Variants in AP4S1 observed in about 807,000 individuals in gnomAD.
The protein encoded by AP4S1 is AP-4 complex subunit sigma-1.
Under a neutral mutation model 19.8 loss-of-function variants are expected in AP4S1, and 23 were observed. The observed-to-expected ratio is 1.16, with a 90% CI of 0.84 to 1.65. The LOEUF (loss-of-function observed/expected upper bound fraction) is 1.65. AP4S1 is among the 40% of genes most tolerant of loss of function. The probability of loss-of-function intolerance (pLI) is 0.00; values close to 1 mark genes in which losing one functional copy is unlikely to be tolerated. For synonymous variants in AP4S1, 46 were observed against 54.1 expected, an observed-to-expected ratio of 0.85 and a Z score of 0.66; for missense variants, 166 against 172.8, an observed-to-expected ratio of 0.96 and a Z score of 0.22.
chr14:31,086,794 G>A (rs184381197), intron 5 of AP4S1, among the ~76,000 whole-genome samples: 3 of 152,138 alleles, frequency 2.0e-5, no homozygotes, highest in Admixed American at 6.6e-5. Context: ...CGTAGGAGCC[G>A]GATACTTTGG....
In AP4S1 at chr14:31,025,790, A is replaced by T. The variant is rs1037267519; in HGVS notation, c.-72+3A>T. 2.8e-6 allele frequency: 4 copies of T among 1,406,102 alleles called. No individual in the cohort carries two copies. In the African/African-American group the frequency reaches 5.7e-5, roughly 20 times the overall value. 87.1% of individuals were successfully genotyped at this position (1,406,102 alleles called of 1,614,324 possible). On this transcript the variant is annotated splice_donor_region_variant and intron_variant, in intron 1 of 5. Transcript: ENST00000542754. ...CCATCACAACCTGAGCAGCACAGGT[A>T]GGTTCCGCTCGGCCTCCCAAGGCGC...
chr14:31,050,811 C>T (rs1885745900), intron 1 of AP4S1, among the ~76,000 whole-genome samples: 1 of 152,180 alleles, frequency 6.6e-6, no homozygotes, highest in Non-Finnish European at 1.5e-5. Flanking sequence ...CCGGGCTCCC[C>T]TCCACGATAC....
At chr14:31,049,353 G>A (rs565434451) in intron 1 of AP4S1, among the ~76,000 whole-genome samples, 208 of 145,584 alleles carry the variant, frequency 1.4e-3, no homozygotes, top group African/African-American at 5.0e-3. Context: ...GGCAGAGCTG[G>A]CAGTGAGCCG....
intron 1 of AP4S1, among the ~76,000 whole-genome samples, chr14:31,050,983 C>T (rs1381149665): frequency 1.3e-5 from 2 of 151,854 alleles, no homozygotes; most frequent in Non-Finnish European, 2.9e-5. Context: ...TGGCTGGGCT[C>T]GGTGGCCCAT....
rs975451171 is a variant in AP4S1, at chr14:31,082,618, C to T, written c.306+2034C>T. ...GAATTAAGACTAGAAGAGCTTTGGC[C>T]GGGCGCGGTGGCTCACGCCTGTAAT... On this transcript the variant is annotated intron_variant, in intron 5 of 5. Coordinates refer to ENST00000542754, the MANE Select transcript of AP4S1 (RefSeq NM_001128126.3). 2.6e-5 allele frequency among the ~76,000 whole-genome samples: 4 copies of T among 152,124 alleles called. 1 individual carries two copies. Among genetic ancestry groups the T allele is most frequent in the East Asian group, 1.9e-4 (1 of 5,180 alleles).
intron 1 of AP4S1, among the ~76,000 whole-genome samples, chr14:31,030,822 T>C (rs541561490): frequency 6.6e-6 from 1 of 152,352 alleles, no homozygotes; most frequent in South Asian, 2.1e-4. Flanking sequence ...TATTTTGTCC[T>C]GATCCGTCTT....
intron 5 of AP4S1, chr14:31,083,758 C>T (rs750432913): frequency 3.0e-6 from 1 of 337,380 alleles, no homozygotes; most frequent in Non-Finnish European, 5.8e-6. Context: ...AAGCCTCCTG[C>T]CTTGGCCTCC....
chr14:31,025,458 G>T, upstream of AP4S1: 1 of 158,076 alleles, frequency 6.3e-6, no homozygotes, highest in South Asian at 1.2e-4. Flanking sequence ...CGGAAAGGGG[G>T]GTGGTCCGGA....
chr14:31,051,987 A>G (rs1281285428), intron 1 of AP4S1, among the ~76,000 whole-genome samples: 1 of 152,140 alleles, frequency 6.6e-6, no homozygotes, highest in Admixed American at 6.5e-5. Context: ...ATTAAAAGAC[A>G]TGGCCGGGTG....
rs563340452 is a variant in AP4S1 at position 31,050,438 on chromosome 14, G to A, written c.-71-15688G>A. Among the ~76,000 whole-genome samples, 6 of 151,966 alleles carry A rather than the reference G, an allele frequency of 3.9e-5. No individual in the cohort carries two copies. The South Asian group carries it at 1.2e-3, about 32-fold the overall frequency. On this transcript the variant is annotated intron_variant, in intron 1 of 5. Coordinates refer to ENST00000542754, the MANE Select transcript of AP4S1 (RefSeq NM_001128126.3). The stretch of plus-strand genomic sequence containing the variant: ...TTAATATGAATACTTATATCTCTCT[G>A]ATCTCTGCTTTAAAAAAAACTAACT...
chr14:31,038,930 G>C (rs1198089136), intron 1 of AP4S1, among the ~76,000 whole-genome samples: 2 of 151,384 alleles, frequency 1.3e-5, no homozygotes, highest in Admixed American at 6.6e-5. Context: ...AGTCTTTCAC[G>C]ACCACCATCA....
chr14:31,032,073 A>G (rs1318309970), intron 1 of AP4S1, among the ~76,000 whole-genome samples: 1 of 62,082 alleles, frequency 1.6e-5, no homozygotes, highest in Non-Finnish European at 2.9e-5. Context: ...CCTTGTCCCA[A>G]AAAAAAAAAA....
chr14:31,040,964 A>G (rs896023442), intron 1 of AP4S1, among the ~76,000 whole-genome samples: 3 of 151,276 alleles, frequency 2.0e-5, no homozygotes, highest in Non-Finnish European at 2.9e-5. Flanking sequence ...AGTCCCAGCT[A>G]CTCGGGAGGC....
At position 31,065,628 on chromosome 14, in the gene AP4S1, A is replaced by G. The variant is rs1023121080; in HGVS notation, c.-71-498A>G. Among the ~76,000 whole-genome samples the G allele has an allele frequency of 3.3e-5, 5 of 152,270 alleles. No individual in the cohort carries two copies. In the East Asian group the frequency reaches 7.7e-4, roughly 23 times the overall value. ...TTTGGAGAATAACTGATGAAAATTT[A>G]TCATTGGTTTTTATTTTTTTATTTT... On this transcript the variant is annotated intron_variant, in intron 1 of 5. Transcript: ENST00000542754.
At chr14:31,029,806 C>A (rs1451055870) in intron 1 of AP4S1, among the ~76,000 whole-genome samples, 6 of 149,706 alleles carry the variant, frequency 4.0e-5, no homozygotes, top group African/African-American at 1.5e-4. Flanking sequence ...GTCTGGGCAA[C>A]AGAGCAAAAC....
rs1037106566 is a variant in AP4S1 at position 31,043,084 on chromosome 14, G to A, written c.-72+17297G>A. ...AAAAATGCAAAAATTAGCTGGGCAT[G>A]GTGGTGCACGCCTGTAGTCCCAGCT... On this transcript the variant is annotated intron_variant, in intron 1 of 5. Coordinates refer to ENST00000542754, the MANE Select transcript of AP4S1 (RefSeq NM_001128126.3). 3.9e-5 allele frequency among the ~76,000 whole-genome samples: 6 copies of A among 152,222 alleles called. No homozygotes were observed. In the South Asian group the frequency reaches 1.0e-3, roughly 26 times the overall value.
At chr14:31,079,400 G>A (rs2139093986) in intron 4 of AP4S1, among the ~76,000 whole-genome samples, 1 of 152,314 alleles carries the variant, frequency 6.6e-6, no homozygotes, top group East Asian at 1.9e-4. Flanking sequence ...TGTAGGTGGG[G>A]AATGCTGATC....
At chr14:31,065,953 C>A (rs1364034440) in intron 1 of AP4S1, among the ~76,000 whole-genome samples, 173 bp from the exon 2 acceptor site, 1 of 152,212 alleles carries the variant, frequency 6.6e-6, no homozygotes. Flanking sequence ...AGCCACCACA[C>A]CCGGCCTGGT....
chr14:31,052,616 T>C (rs1313043432), intron 1 of AP4S1, among the ~76,000 whole-genome samples: 5 of 150,912 alleles, frequency 3.3e-5, no homozygotes, highest in Non-Finnish European at 5.9e-5. Context: ...TAATCCCAGC[T>C]ACTTGGGAGG....
Sources: gnomAD v4.1 joint callset for allele counts (sites outside exome capture counted in the v4.1 genomes callset) on GRCh38, gnomAD v4.1.1 for gene constraint, MANE v1.5 for transcripts, NCBI Gene and HGNC (gene_info 2026-07-23, HGNC 2026-07-21) for gene names.